Variants in GULP1 observed in about 807,000 individuals in gnomAD.
GULP1 encodes the protein PTB domain-containing engulfment adapter protein 1.
Under a neutral mutation model 40.9 loss-of-function variants are expected in GULP1, and 19 were observed. That is an observed-to-expected ratio of 0.46 (90% CI 0.32 to 0.68). The LOEUF is 0.68. GULP1 is among the 30% of genes least tolerant of loss of function. The pLI, the probability that GULP1 is intolerant of heterozygous loss-of-function variation, is 0.03. For synonymous variants in GULP1, 119 were observed against 117.6 expected (o/e 1.01, Z -0.08); for missense variants, 312 against 362.2 (o/e 0.86, Z 1.12).
rs1389572386 is a variant in GULP1 at position 188,292,328 on chromosome 2, C to T, written c.-172+162C>T. ...CGCGGGGCTGCGCGTAGCCGCTGGC[C>T]AGCAGGTTGTAAAAAATTAGGACAG... On this transcript the variant is annotated intron_variant, in intron 1 of 11. Coordinates refer to ENST00000409830, the MANE Select transcript of GULP1 (RefSeq NM_016315.4). The surrounding 1 kb of genome is among the most constrained non-coding windows in gnomAD (Gnocchi z 4.0). 6.6e-6 allele frequency: 1 copy of T among 152,606 alleles called. No individual in the cohort carries two copies. The highest frequency in any genetic ancestry group is 1.5e-5 in the Non-Finnish European group (1 of 68,394). 9.5% of individuals were successfully genotyped at this position (152,606 alleles called of 1,614,324 possible).
At chr2:188,351,535 T>C (rs1281869346) in intron 1 of GULP1, among the ~76,000 whole-genome samples, 1 of 152,174 alleles carries the variant, frequency 6.6e-6, no homozygotes, top group African/African-American at 2.4e-5. Flanking sequence ...AATTTTTCAC[T>C]GAAGTGCACC....
chr2:188,551,490 AATGAT>A (rs1205046419), intron 7 of GULP1, among the ~76,000 whole-genome samples: 1 of 151,826 alleles, frequency 6.6e-6, no homozygotes, highest in African/African-American at 2.4e-5. Flanking sequence ...TGTTGCTGCA[AATGAT>A]ATGATATCAT....
intron 2 of GULP1, among the ~76,000 whole-genome samples, chr2:188,390,920 T>G (rs1284887097): frequency 6.6e-6 from 1 of 152,134 alleles, no homozygotes; most frequent in Non-Finnish European, 1.5e-5. Context: ...AAAGATCAGT[T>G]GGTTATAAGT....
chr2:188,482,149 G>T (rs2061491769), intron 3 of GULP1, among the ~76,000 whole-genome samples: 1 of 151,694 alleles, frequency 6.6e-6, no homozygotes, highest in Admixed American at 6.6e-5. Flanking sequence ...TTTTGTATTG[G>T]AAATACTTGA....
intron 6 of GULP1, among the ~76,000 whole-genome samples, chr2:188,534,221 A>C (rs2153274810): frequency 6.6e-6 from 1 of 152,262 alleles, no homozygotes; most frequent in African/African-American, 2.4e-5. Flanking sequence ...CAATAGCAAA[A>C]ACATGGAATC....
intron 2 of GULP1, among the ~76,000 whole-genome samples, chr2:188,441,496 C>G (rs139184103): frequency 0.011 from 1,674 of 152,238 alleles, 11 homozygotes; most frequent in Non-Finnish European, 0.015. Flanking sequence ...TGCTAGGACT[C>G]TTATCAACCT....
chr2:188,391,968 T>A (rs1336575978), intron 2 of GULP1, among the ~76,000 whole-genome samples: 2 of 152,068 alleles, frequency 1.3e-5, no homozygotes, highest in African/African-American at 2.4e-5. Context: ...ACCCACTAGA[T>A]CATGCTGTAT....
At chr2:188,361,386 T>C (rs1178518924) in intron 1 of GULP1, among the ~76,000 whole-genome samples, 2 of 151,640 alleles carry the variant, frequency 1.3e-5, no homozygotes, top group Non-Finnish European at 2.9e-5. Flanking sequence ...AAGATTTTTG[T>C]GAATGGAATG....
At chr2:188,537,106 AG>A (rs1335308490) in intron 6 of GULP1, among the ~76,000 whole-genome samples, 1 of 152,030 alleles carries the variant, frequency 6.6e-6, no homozygotes, top group African/African-American at 2.4e-5. Context: ...AGGATCTTCT[AG>A]GTAGATAATC....
At chr2:188,368,927 ATATATATGTGTG>A (rs1215720347) in intron 1 of GULP1, among the ~76,000 whole-genome samples, 2 of 47,862 alleles carry the variant, frequency 4.2e-5, no homozygotes, top group African/African-American at 3.1e-4. Context: ...ATATATGTAT[ATATATATGTGTG>A]TATATATATA....
At chr2:188,410,364 G>A (rs903899905) in intron 2 of GULP1, among the ~76,000 whole-genome samples, 6 of 152,102 alleles carry the variant, frequency 3.9e-5, no homozygotes, top group Admixed American at 6.5e-5. Flanking sequence ...AAAATAAAAG[G>A]CTTCTGGATA....
At chr2:188,568,152 C>A (rs1223525487) in intron 7 of GULP1, among the ~76,000 whole-genome samples, 2 of 151,878 alleles carry the variant, frequency 1.3e-5, no homozygotes, top group Non-Finnish European at 2.9e-5. Flanking sequence ...TATAAAAATT[C>A]TATTAAATGA....
intron 2 of GULP1, among the ~76,000 whole-genome samples, chr2:188,433,161 A>T (rs1244773070): frequency 1.3e-5 from 2 of 152,164 alleles, no homozygotes; most frequent in Non-Finnish European, 2.9e-5. Context: ...AAACCCCAGC[A>T]TGCCCTTGAA....
At chr2:188,521,204 A>AT (rs927137973) in intron 4 of GULP1, among the ~76,000 whole-genome samples, 2 of 152,030 alleles carry the variant, frequency 1.3e-5, no homozygotes, top group African/African-American at 2.4e-5. Context: ...TATATATAGA[A>AT]TTTTTTCTAG....
chr2:188,497,109 T>G (rs2062972776), intron 4 of GULP1, among the ~76,000 whole-genome samples: 1 of 152,024 alleles, frequency 6.6e-6, no homozygotes, highest in Non-Finnish European at 1.5e-5. Flanking sequence ...CAATGAGTTA[T>G]CTGCCCGTTT....
At chr2:188,527,749 AG>A (rs1686552977) in intron 5 of GULP1, among the ~76,000 whole-genome samples, 3 of 152,184 alleles carry the variant, frequency 2.0e-5, no homozygotes, top group Admixed American at 2.0e-4. Flanking sequence ...AGACACTTAA[AG>A]GCATTCATAT....
intron 9 of GULP1, among the ~76,000 whole-genome samples, chr2:188,583,886 C>T (rs529442049): frequency 3.2e-4 from 48 of 152,290 alleles, no homozygotes; most frequent in African/African-American, 1.1e-3. Flanking sequence ...TGCAGCGTAT[C>T]TTACTGAAAT....
chr2:188,497,077 G>A (rs1479132818), intron 4 of GULP1, among the ~76,000 whole-genome samples: 1 of 151,866 alleles, frequency 6.6e-6, no homozygotes, highest in Admixed American at 6.6e-5. Flanking sequence ...TTATAGCAGT[G>A]CGAGAACAGA....
At chr2:188,516,922 T>C (rs1323152980) in intron 4 of GULP1, among the ~76,000 whole-genome samples, 1 of 152,174 alleles carries the variant, frequency 6.6e-6, no homozygotes, top group African/African-American at 2.4e-5. Flanking sequence ...TCACCTTATC[T>C]GTGACATCTC....
Sources: allele counts gnomAD v4.1 joint callset (sites outside exome capture counted in the v4.1 genomes callset), GRCh38; gene constraint gnomAD v4.1.1; non-coding constraint Gnocchi (gnomAD v3.1); transcripts MANE v1.5; gene names NCBI Gene and HGNC (gene_info 2026-07-23, HGNC 2026-07-21).